Variants in ENOX1 observed in about 807,000 individuals in gnomAD.
The protein encoded by ENOX1 is candidate growth-related and time keeping constitutive hydroquinone (NADH) oxidase.
ENOX1 carries 42 observed loss-of-function variants against 82.5 expected under a neutral mutation model. That is an observed-to-expected ratio of 0.51 (90% CI 0.40 to 0.66). The LOEUF (loss-of-function observed/expected upper bound fraction) is 0.66. ENOX1 is among the 30% of genes least tolerant of loss of function. The pLI is 0.00. For missense variants in ENOX1, 608 were observed against 811.6 expected, an observed-to-expected ratio of 0.75 and a Z score of 3.05; for synonymous variants, 271 against 282.2, an observed-to-expected ratio of 0.96 and a Z score of 0.40.
At chr13:43,537,079 G>A (rs567039837) in intron 2 of ENOX1, among the ~76,000 whole-genome samples, 4 of 152,274 alleles carry the variant, frequency 2.6e-5, no homozygotes, top group South Asian at 2.1e-4. Flanking sequence ...TGGTTCAGTG[G>A]GCACTCATGA....
At chr13:43,327,629 C>G (rs1274334289) in intron 9 of ENOX1, among the ~76,000 whole-genome samples, 1 of 152,124 alleles carries the variant, frequency 6.6e-6, no homozygotes, top group East Asian at 1.9e-4. Context: ...TCTAACACCC[C>G]ATCAACATAA....
chr13:43,554,800 A>C (rs1455567456), intron 2 of ENOX1, among the ~76,000 whole-genome samples: 1 of 152,096 alleles, frequency 6.6e-6, no homozygotes, highest in East Asian at 1.9e-4. Flanking sequence ...GTCTGGTCTC[A>C]AACTCCTGGG....
chr13:43,379,188 A>G (rs540580752), intron 5 of ENOX1, among the ~76,000 whole-genome samples: 16 of 152,298 alleles, frequency 1.1e-4, no homozygotes, highest in Non-Finnish European at 1.9e-4. Flanking sequence ...TTCCAACCAC[A>G]GTACTACAAG....
chr13:43,504,691 A>C (rs550554437), intron 2 of ENOX1, among the ~76,000 whole-genome samples: 73 of 151,782 alleles, frequency 4.8e-4, no homozygotes, highest in African/African-American at 1.7e-3. Flanking sequence ...TATTAGTCAA[A>C]GGGTAAAAAT....
At chr13:43,685,946 A>G (rs1286390539) in intron 1 of ENOX1, among the ~76,000 whole-genome samples, 1 of 151,726 alleles carries the variant, frequency 6.6e-6, no homozygotes, top group Non-Finnish European at 1.5e-5. Context: ...ATCTCTTAAT[A>G]TATGTGAAGT....
At chr13:43,609,397 T>C (rs1017193968) in intron 2 of ENOX1, among the ~76,000 whole-genome samples, 5 of 152,236 alleles carry the variant, frequency 3.3e-5, no homozygotes, top group African/African-American at 1.2e-4. Context: ...GTAGTCACTG[T>C]GGCTGTATTT....
intron 5 of ENOX1, among the ~76,000 whole-genome samples, chr13:43,382,841 G>A (rs2052151706): frequency 6.6e-6 from 1 of 152,068 alleles, no homozygotes; most frequent in African/African-American, 2.4e-5. Context: ...AGGTAAAAAC[G>A]AAAACACTGC....
chr13:43,384,066 A>T (rs1285442830), intron 5 of ENOX1, among the ~76,000 whole-genome samples: 1 of 152,204 alleles, frequency 6.6e-6, no homozygotes, highest in African/African-American at 2.4e-5. Flanking sequence ...CTTCAAACAG[A>T]TTACTTAGCT....
At chr13:43,433,666 C>T (rs752916012) in intron 3 of ENOX1, among the ~76,000 whole-genome samples, 1 of 152,154 alleles carries the variant, frequency 6.6e-6, no homozygotes, top group Non-Finnish European at 1.5e-5. Context: ...ATTTCTATGA[C>T]GTGATGCACT....
intron 11 of ENOX1, 136 bp from the exon 12 acceptor site, chr13:43,298,666 CCT>C: frequency 1.5e-6 from 1 of 675,360 alleles, no homozygotes; most frequent in Non-Finnish European, 2.4e-6. Flanking sequence ...AATGCCACTC[CCT>C]GGGCCTCTCT....
At chr13:43,417,228 C>CAGGAGAGGGAGA (rs2054660448) in intron 3 of ENOX1, among the ~76,000 whole-genome samples, 1 of 24,850 alleles carries the variant, frequency 4.0e-5, no homozygotes, top group Admixed American at 4.9e-4. Context: ...AGACGGGAGA[C>CAGGAGAGGGAGA]GGGAGACGGG....
chr13:43,735,223 C>T (rs957004867), intron 1 of ENOX1, among the ~76,000 whole-genome samples: 4 of 152,136 alleles, frequency 2.6e-5, no homozygotes, highest in Admixed American at 2.6e-4. Flanking sequence ...GGACAACATG[C>T]TAGTAACTGG....
chr13:43,755,677 C>T (rs1015843349), intron 1 of ENOX1, among the ~76,000 whole-genome samples: 1 of 152,160 alleles, frequency 6.6e-6, no homozygotes, highest in Non-Finnish European at 1.5e-5. Context: ...TGGTACATAT[C>T]CTCCCACACT....
chr13:43,351,329 A>C lies in ENOX1; in HGVS notation c.823+4590T>G, dbSNP rs555618852. On this transcript the variant is annotated intron_variant, in intron 8 of 16. Coordinates refer to ENST00000690772, the MANE Select transcript of ENOX1 (RefSeq NM_001347969.2). ...CTATTTAGTAGCTGTAAAAATGAGA[A>C]AATTAAGGGGGCAATATGAAAATGC... 2.0e-5 allele frequency among the ~76,000 whole-genome samples: 3 copies of C among 152,350 alleles called. No homozygotes were observed. In the South Asian group the frequency reaches 6.2e-4, roughly 32 times the overall value.
intron 1 of ENOX1, among the ~76,000 whole-genome samples, chr13:43,672,156 C>G (rs904066842): frequency 5.3e-5 from 8 of 152,114 alleles, no homozygotes. Context: ...AGACTTGAGC[C>G]AGTTTTAACA....
chr13:43,298,289 C>T, intron 12 of ENOX1, 57 bp downstream of exon 12: 1 of 1,506,932 alleles, frequency 6.6e-7, no homozygotes, highest in Non-Finnish European at 8.8e-7. Flanking sequence ...TTTCCATTTT[C>T]ATTTAATACA....
intron 9 of ENOX1, among the ~76,000 whole-genome samples, chr13:43,334,452 C>T (rs1428911154): frequency 2.0e-5 from 3 of 152,172 alleles, no homozygotes; most frequent in African/African-American, 4.8e-5. Flanking sequence ...AAATATGCAG[C>T]TGGTCCTTGA....
chr13:43,732,961 C>T (rs1309865259), intron 1 of ENOX1, among the ~76,000 whole-genome samples: 5 of 152,128 alleles, frequency 3.3e-5, no homozygotes, highest in Admixed American at 6.5e-5. Flanking sequence ...TCTAATTGCA[C>T]GGAGGCACAC....
chr13:43,750,642 C>A (rs1248324159), intron 1 of ENOX1, among the ~76,000 whole-genome samples: 1 of 152,132 alleles, frequency 6.6e-6, no homozygotes, highest in Non-Finnish European at 1.5e-5. Flanking sequence ...AGTCTTGGAA[C>A]AAGACTGACA....
Sources: gnomAD v4.1 joint callset for allele counts (sites outside exome capture counted in the v4.1 genomes callset) on GRCh38, gnomAD v4.1.1 for gene constraint, MANE v1.5 for transcripts, NCBI Gene and HGNC (gene_info 2026-07-23, HGNC 2026-07-21) for gene names.